The following NTM variants were observed in gnomAD, a reference collection of about 807,000 sequenced individuals.
NTM encodes neurotrimin.
Under a neutral mutation model 42.1 loss-of-function variants are expected in NTM, and 13 were observed. The observed-to-expected ratio is 0.31, with a 90% CI of 0.20 to 0.49. NTM has a LOEUF of 0.49. Ranked by LOEUF, NTM falls within the 20% of genes least tolerant of loss-of-function variation. The probability of loss-of-function intolerance (pLI) is 0.99; values close to 1 mark genes in which losing one functional copy is unlikely to be tolerated. For missense variants in NTM, 373 were observed against 452.8 expected, an observed-to-expected ratio of 0.82 and a Z score of 1.60; for synonymous variants, 187 against 179.2, an observed-to-expected ratio of 1.04 and a Z score of -0.35.
chr11:131,438,657 C>T (rs896304676), intron 1 of NTM, among the ~76,000 whole-genome samples: 1 of 152,172 alleles, frequency 6.6e-6, no homozygotes, highest in Non-Finnish European at 1.5e-5. Flanking sequence ...CTTCTTCACA[C>T]TGTTTATTGT....
intron 2 of NTM, among the ~76,000 whole-genome samples, chr11:132,029,437 G>T (rs1049656325): frequency 2.0e-5 from 3 of 148,706 alleles, no homozygotes; most frequent in Non-Finnish European, 4.4e-5. Flanking sequence ...GAGAACATGC[G>T]GTGTTTGGTT....
intron 2 of NTM, among the ~76,000 whole-genome samples, chr11:132,079,984 A>G (rs2058830301): frequency 6.6e-6 from 1 of 152,194 alleles, no homozygotes; most frequent in Admixed American, 6.5e-5. Flanking sequence ...CATGGGCTCT[A>G]ATTTAATAAA....
At chr11:132,183,885 C>T (rs1459168775) in intron 3 of NTM, among the ~76,000 whole-genome samples, 1 of 151,956 alleles carries the variant, frequency 6.6e-6, no homozygotes, top group East Asian at 2.0e-4. Flanking sequence ...TCCTTTGGCT[C>T]TTTGTCTTAA....
intron 7 of NTM, among the ~76,000 whole-genome samples, chr11:132,325,526 G>A (rs915924617): frequency 2.2e-4 from 34 of 152,112 alleles, no homozygotes; most frequent in South Asian, 6.2e-4. Context: ...AACAGGTGCT[G>A]GAGAGGATGT....
intron 1 of NTM, among the ~76,000 whole-genome samples, chr11:131,792,791 C>T (rs1264923690): frequency 6.6e-6 from 1 of 152,138 alleles, no homozygotes. Context: ...AGTGGCAATT[C>T]GTTTCATATG....
At chr11:131,506,240 G>A (rs930497826) in intron 1 of NTM, among the ~76,000 whole-genome samples, 59 of 152,214 alleles carry the variant, frequency 3.9e-4, no homozygotes, top group African/African-American at 1.4e-3. Context: ...ACCTCATTCG[G>A]AGGGCTTTTC....
intron 2 of NTM, among the ~76,000 whole-genome samples, chr11:132,080,034 C>T (rs573072331): frequency 1.3e-5 from 2 of 152,222 alleles, no homozygotes; most frequent in East Asian, 1.9e-4. Context: ...ATACATGGTA[C>T]AGGGTTTTGA....
intron 2 of NTM, among the ~76,000 whole-genome samples, chr11:132,122,144 C>T (rs1176763543): frequency 6.6e-6 from 1 of 152,184 alleles, no homozygotes; most frequent in Non-Finnish European, 1.5e-5. Context: ...GAGCCGTGCA[C>T]TCGGTGTGGG....
intron 1 of NTM, among the ~76,000 whole-genome samples, chr11:131,593,052 G>T (rs535997664): frequency 6.6e-6 from 1 of 152,308 alleles, no homozygotes; most frequent in African/African-American, 2.4e-5. Flanking sequence ...TCAAGCAGTT[G>T]CCCTTGTGAG....
At chr11:132,016,314 A>G (rs765369103) in intron 2 of NTM, among the ~76,000 whole-genome samples, 2 of 151,898 alleles carry the variant, frequency 1.3e-5, no homozygotes, top group Non-Finnish European at 2.9e-5. Context: ...ATCACCCCAG[A>G]AAGTTCCCTT....
At chr11:131,751,887 G>T (rs1387166315) in intron 1 of NTM, among the ~76,000 whole-genome samples, 1 of 151,790 alleles carries the variant, frequency 6.6e-6, no homozygotes, top group Non-Finnish European at 1.5e-5. Flanking sequence ...TCATATCTGT[G>T]ACTTATATCT....
intron 1 of NTM, among the ~76,000 whole-genome samples, chr11:131,642,005 A>G (rs1481220658): frequency 6.6e-6 from 1 of 152,146 alleles, no homozygotes; most frequent in African/African-American, 2.4e-5. Flanking sequence ...GATTACAGGC[A>G]TGAGCCACTG....
At chr11:131,376,900 C>T (rs573425974) in intron 1 of NTM, among the ~76,000 whole-genome samples, 2 of 152,246 alleles carry the variant, frequency 1.3e-5, no homozygotes, top group South Asian at 4.1e-4. Context: ...GTGTCTACTA[C>T]GTTCGGTGCA....
Position 132,314,627 on chromosome 11 carries a change from T to C in NTM, c.858T>C (p.Ser286=). Residue 286 remains serine (S), a synonymous_variant, in exon 7 of 9, where the codon TCT becomes TCC. Transcript: ENST00000683400. ...FLSKLIFFNV[S]EHDYGNYTCV... ...CAAAACTCATCTTCTTCAATGTCTCTGAACATGACTATGGGAACTACACTT... is the reference window on the plus strand; with the variant it reads ...CAAAACTCATCTTCTTCAATGTCTCCGAACATGACTATGGGAACTACACTT... 1.2e-6 allele frequency: 2 copies of C among 1,614,024 alleles called. No individual in the cohort carries two copies. Among genetic ancestry groups the C allele is most frequent in the Non-Finnish European group, 1.7e-6 (2 of 1,179,918 alleles).
At chr11:132,068,386 C>T (rs1391484461) in intron 2 of NTM, among the ~76,000 whole-genome samples, 4 of 151,922 alleles carry the variant, frequency 2.6e-5, no homozygotes, top group Non-Finnish European at 4.4e-5. Context: ...TTTTGCTTTA[C>T]ACTAACTGTA....
chr11:132,125,134 C>T (rs977047827), intron 2 of NTM, among the ~76,000 whole-genome samples: 10 of 152,202 alleles, frequency 6.6e-5, no homozygotes, highest in East Asian at 3.8e-4. Context: ...CAAACGCAAA[C>T]GGATGGGCTC....
At chr11:131,832,318 A>C (rs765618946) in intron 1 of NTM, among the ~76,000 whole-genome samples, 4 of 152,128 alleles carry the variant, frequency 2.6e-5, no homozygotes, top group Non-Finnish European at 5.9e-5. Context: ...CTCAGCAGCC[A>C]GGGGACTGAG....
At chr11:132,103,105 G>A (rs2061830349) in intron 2 of NTM, among the ~76,000 whole-genome samples, 1 of 152,212 alleles carries the variant, frequency 6.6e-6, no homozygotes, top group Non-Finnish European at 1.5e-5. Context: ...GCCTATTGTG[G>A]AACCGCAGGG....
chr11:132,201,295 G>T (rs560561261), intron 3 of NTM, among the ~76,000 whole-genome samples: 1 of 152,208 alleles, frequency 6.6e-6, no homozygotes, highest in South Asian at 2.1e-4. Context: ...CTGTCTAGGG[G>T]AGAGAAGCAA....
Sources: allele counts gnomAD v4.1 joint callset (sites outside exome capture counted in the v4.1 genomes callset), GRCh38; gene constraint gnomAD v4.1.1; transcripts MANE v1.5; gene names NCBI Gene and HGNC (gene_info 2026-07-23, HGNC 2026-07-21).